Variants in LRRK2 observed in about 807,000 individuals in gnomAD.
The protein encoded by LRRK2 is leucine-rich repeat serine/threonine-protein kinase 2.
Under a neutral mutation model 302.6 loss-of-function variants are expected in LRRK2, and 203 were observed. That is an observed-to-expected ratio of 0.67 (90% confidence interval 0.60 to 0.75). LRRK2 has a LOEUF of 0.75. LRRK2 is among the 30% of genes least tolerant of loss of function. The probability of loss-of-function intolerance (pLI) is 0.00; values close to 1 mark genes in which losing one functional copy is unlikely to be tolerated. For missense variants in LRRK2, 2,830 were observed against 2,951.0 expected (o/e 0.96, Z 0.95); for synonymous variants, 1,066 against 1,031.9 (o/e 1.03, Z -0.63).
At chr12:40,305,337 G>A (rs767835549) in intron 27 of LRRK2, among the ~76,000 whole-genome samples, 1 of 152,012 alleles carries the variant, frequency 6.6e-6, no homozygotes. Flanking sequence ...ACTCCAATTA[G>A]GATGCCACCT....
chr12:40,269,996 G>A (rs996017446), intron 14 of LRRK2, among the ~76,000 whole-genome samples: 1 of 152,092 alleles, frequency 6.6e-6, no homozygotes, highest in Non-Finnish European at 1.5e-5. Context: ...ACTACCTACA[G>A]ACTATGCACC....
intron 49 of LRRK2, chr12:40,365,804 G>A (rs1157965583): frequency 6.6e-6 from 1 of 151,890 alleles, no homozygotes; most frequent in Admixed American, 6.6e-5. Context: ...AGGAACATGT[G>A]TTTTTCTAGC....
chr12:40,343,698 T>G (rs908498305), intron 41 of LRRK2, among the ~76,000 whole-genome samples: 3 of 152,218 alleles, frequency 2.0e-5, no homozygotes, highest in Non-Finnish European at 4.4e-5. Flanking sequence ...TATTTTAACA[T>G]TGTAATCATT....
At position 40,232,227 on chromosome 12, in the gene LRRK2, A is replaced by G. The variant is rs112395350; in HGVS notation, c.238-47A>G. On this transcript the variant is annotated intron_variant, in intron 2 of 50. Coordinates refer to ENST00000298910, the MANE Select transcript of LRRK2 (RefSeq NM_198578.4). The stretch of plus-strand genomic sequence containing the variant: ...ATTCATGTTTGACTGAGTATGCTCT[A>G]TTAACATTCTTTAAAACATGTGAAT... The G allele has an allele frequency of 2.0e-5, 27 of 1,343,828 alleles. 2 individuals are homozygous for G. The African/African-American group carries it at 2.7e-4, about 14-fold the overall frequency. 83.2% of individuals were successfully genotyped at this position (1,343,828 alleles called of 1,614,324 possible). A position where few individuals can be genotyped will look rare whatever the true frequency, so the allele number is the denominator to read the frequency against.
chr12:40,225,424 G>T, intron 1 of LRRK2, 131 bp from the exon 2 acceptor site: 1 of 1,272,568 alleles, frequency 7.9e-7, no homozygotes. Flanking sequence ...CCTTTCCTTA[G>T]GGCAGAAAGC....
At chr12:40,242,551 C>T (rs1032521486) in intron 6 of LRRK2, among the ~76,000 whole-genome samples, 2 of 151,702 alleles carry the variant, frequency 1.3e-5, no homozygotes, top group Admixed American at 1.3e-4. Flanking sequence ...ATTTTGGAGC[C>T]TTCAGGAAGC....
intron 8 of LRRK2, among the ~76,000 whole-genome samples, chr12:40,250,949 A>G (rs1942238658): frequency 6.6e-6 from 1 of 150,636 alleles, no homozygotes; most frequent in Admixed American, 6.6e-5. Context: ...TGCTCTTGTG[A>G]ATAGTGCTGT....
intron 14 of LRRK2, among the ~76,000 whole-genome samples, chr12:40,270,847 C>A (rs550295792): frequency 6.6e-6 from 1 of 152,134 alleles, no homozygotes; most frequent in African/African-American, 2.4e-5. Context: ...AAGATAGGTG[C>A]TTTATAAATA....
chr12:40,366,974 A>G (rs1249831071), intron 49 of LRRK2, 32 bp from the exon 50 acceptor site: 1 of 1,541,572 alleles, frequency 6.5e-7, no homozygotes, highest in South Asian at 1.1e-5. Flanking sequence ...TATAGTTTTA[A>G]CAGAAAACTT....
rs758790582 is a variant in LRRK2 at position 40,257,316 on chromosome 12, A to G, written c.1357A>G (p.Ile453Val). ...TGTTTTGGAGTTAATGCAGAAGCATATACATTCTCCTGAAGTGGCTGAAAG... is the reference window on the plus strand; with the variant it reads ...TGTTTTGGAGTTAATGCAGAAGCATGTACATTCTCCTGAAGTGGCTGAAAG... Reference protein sequence around the residue: ...LNVLELMQKHIHSPEVAESGC... With the variant: ...LNVLELMQKHVHSPEVAESGC... Residue 453 changes from isoleucine (I) to valine (V), a missense_variant, in exon 12 of 51, where the codon ATA becomes GTA. Coordinates refer to ENST00000298910, the MANE Select transcript of LRRK2 (RefSeq NM_198578.4). 43 of 1,609,674 alleles carry G rather than the reference A, an allele frequency of 2.7e-5. No homozygotes were observed. The East Asian group carries it at 8.9e-4, about 33-fold the overall frequency.
At chr12:40,300,750 A>G (rs1033673244) in intron 25 of LRRK2, 6 of 470,172 alleles carry the variant, frequency 1.3e-5, no homozygotes, top group African/African-American at 1.2e-4. Context: ...AGCACAGACA[A>G]ACATTAAGTA....
intron 4 of LRRK2, 79 bp downstream of exon 4, chr12:40,235,793 GT>G (rs36024911): frequency 0.019 from 8,630 of 458,840 alleles, no homozygotes; most frequent in East Asian, 0.023. Context: ...GTGTGTGTGT[GT>G]TTTTTTTTTT....
intron 21 of LRRK2, among the ~76,000 whole-genome samples, chr12:40,294,121 TATCTATCTATC>T (rs890836000): frequency 7.7e-6 from 1 of 130,574 alleles, no homozygotes; most frequent in Non-Finnish European, 1.6e-5. Context: ...ATTGTTCATC[TATCTATCTATC>T]ATCTATCTAT....
intron 25 of LRRK2, among the ~76,000 whole-genome samples, chr12:40,300,216 T>C (rs17491061): frequency 0.12 from 18,342 of 152,246 alleles, 1,187 homozygotes; most frequent in South Asian, 0.16. Context: ...TCTTGTGCTT[T>C]GCAAGACATT....
At chr12:40,301,422 A>G (rs1944620865) in intron 25 of LRRK2, among the ~76,000 whole-genome samples, 1 of 152,056 alleles carries the variant, frequency 6.6e-6, no homozygotes, top group Admixed American at 6.6e-5. Flanking sequence ...GACTCCGTCA[A>G]TCAATCAATC....
chr12:40,269,076 G>A (rs1334127808), intron 14 of LRRK2, among the ~76,000 whole-genome samples: 7 of 152,044 alleles, frequency 4.6e-5, no homozygotes, highest in East Asian at 1.9e-4. Flanking sequence ...AAATGACAAC[G>A]GAACACCTTG....
At chr12:40,252,383 G>A (rs945096006) in intron 10 of LRRK2, among the ~76,000 whole-genome samples, 11 of 152,204 alleles carry the variant, frequency 7.2e-5, no homozygotes, top group Admixed American at 5.2e-4. Context: ...TGAAAACTAT[G>A]CTAAATTGGC....
At chr12:40,235,601 T>C (rs1941414471) in intron 3 of LRRK2, 25 bp from the exon 4 acceptor site, 6 of 1,478,754 alleles carry the variant, frequency 4.1e-6, no homozygotes, top group Non-Finnish European at 5.7e-6. Flanking sequence ...TTCATTCTTA[T>C]CTTGATTTCT....
chr12:40,288,401 A>C (rs1309607736), intron 20 of LRRK2, among the ~76,000 whole-genome samples: 1 of 151,836 alleles, frequency 6.6e-6, no homozygotes, highest in Non-Finnish European at 1.5e-5. Context: ...ATGCCTCTTC[A>C]CTGAAAACAT....
Sources: gnomAD v4.1 joint callset for allele counts (sites outside exome capture counted in the v4.1 genomes callset) on GRCh38, gnomAD v4.1.1 for gene constraint, MANE v1.5 for transcripts, NCBI Gene and HGNC (gene_info 2026-07-23, HGNC 2026-07-21) for gene names.